Variants in KCNMA1 observed in about 807,000 individuals in gnomAD.
KCNMA1 encodes potassium calcium-activated channel subfamily M alpha 1.
A neutral mutation model predicts 140.0 loss-of-function variants in KCNMA1; 29 were observed. The ratio of observed to expected loss-of-function variants is 0.21; its 90% CI spans 0.15 to 0.28. The LOEUF is 0.28. Ranked by LOEUF, KCNMA1 falls within the 10% of genes least tolerant of loss-of-function variation. The pLI, the probability that KCNMA1 is intolerant of heterozygous loss-of-function variation, is 1.00. For missense variants in KCNMA1, 880 were observed against 1,602.2 expected, an observed-to-expected ratio of 0.55 and a Z score of 7.70; for synonymous variants, 612 against 611.9, an observed-to-expected ratio of 1.00 and a Z score of 0.00.
intron 1 of KCNMA1, among the ~76,000 whole-genome samples, chr10:77,416,142 C>G (rs2096736591): frequency 6.6e-6 from 1 of 152,138 alleles, no homozygotes; most frequent in African/African-American, 2.4e-5. Context: ...ATATTCCACA[C>G]TCATAGTGGC....
At chr10:77,607,255 T>C (rs2084881894) in intron 1 of KCNMA1, among the ~76,000 whole-genome samples, 1 of 152,206 alleles carries the variant, frequency 6.6e-6, no homozygotes, top group Non-Finnish European at 1.5e-5. Context: ...CAGTGGAGCC[T>C]GGCCAGTGCC....
intron 14 of KCNMA1, among the ~76,000 whole-genome samples, chr10:77,057,550 T>C (rs751839945): frequency 6.6e-6 from 1 of 152,066 alleles, no homozygotes; most frequent in Admixed American, 6.6e-5. Flanking sequence ...ATTATAACAT[T>C]GTCTGATATA....
intron 21 of KCNMA1, among the ~76,000 whole-genome samples, chr10:76,952,813 G>A (rs1371226026): frequency 6.6e-6 from 1 of 152,216 alleles, no homozygotes; most frequent in African/African-American, 2.4e-5. Context: ...TGTTTAGGAA[G>A]GGTGGTCCTG....
chr10:77,024,843 G>A (rs995393471), intron 16 of KCNMA1, among the ~76,000 whole-genome samples: 4 of 152,056 alleles, frequency 2.6e-5, no homozygotes, highest in African/African-American at 9.7e-5. Context: ...CAAAATAAAT[G>A]TAAGGAAAAA....
At chr10:77,556,329 AC>A (rs1406618533) in intron 1 of KCNMA1, among the ~76,000 whole-genome samples, 2 of 151,888 alleles carry the variant, frequency 1.3e-5, no homozygotes, top group Non-Finnish European at 2.9e-5. Context: ...ACATGGTGAA[AC>A]CCCATCTCTG....
rs1326107584 is a variant in KCNMA1 at position 77,296,170 on chromosome 10, T to C, written c.541-44914A>G. ...GGGAGATTGTCCTTGATTATCCAGG[T>C]GGGCCCACTGTAATCACTAGGTCTT... On this transcript the variant is annotated intron_variant, in intron 2 of 27. Coordinates refer to ENST00000286628, the MANE Select transcript of KCNMA1 (RefSeq NM_001161352.2). 3.3e-5 allele frequency among the ~76,000 whole-genome samples: 5 copies of C among 152,254 alleles called. No homozygotes were observed. The South Asian group carries it at 1.0e-3, about 32-fold the overall frequency.
intron 1 of KCNMA1, among the ~76,000 whole-genome samples, chr10:77,491,633 C>A (rs1330040392): frequency 1.3e-5 from 2 of 151,396 alleles, no homozygotes; most frequent in African/African-American, 4.9e-5. Flanking sequence ...TCTGGGACAC[C>A]CAGCTATGAC....
intron 1 of KCNMA1, among the ~76,000 whole-genome samples, chr10:77,523,638 G>A (rs900223540): frequency 6.6e-6 from 1 of 152,242 alleles, no homozygotes; most frequent in African/African-American, 2.4e-5. Context: ...TTCTTGATTT[G>A]GATGTTAGTT....
At chr10:77,552,737 C>T (rs1393685958) in intron 1 of KCNMA1, among the ~76,000 whole-genome samples, 1 of 152,138 alleles carries the variant, frequency 6.6e-6, no homozygotes, top group African/African-American at 2.4e-5. Context: ...TGATGCAGCC[C>T]ATGAACACAT....
intron 5 of KCNMA1, among the ~76,000 whole-genome samples, chr10:77,175,369 G>T (rs2098743865): frequency 6.6e-6 from 1 of 152,212 alleles, no homozygotes. Flanking sequence ...ACTGTGAGAT[G>T]CTGGGCATAG....
intron 15 of KCNMA1, among the ~76,000 whole-genome samples, chr10:77,034,426 A>T (rs1352328729): frequency 7.2e-5 from 11 of 152,288 alleles, no homozygotes; most frequent in Non-Finnish European, 1.5e-4. Context: ...CTGAAGTTAA[A>T]CTAGCTACAG....
At chr10:77,370,515 T>C (rs996161714) in intron 2 of KCNMA1, among the ~76,000 whole-genome samples, 1 of 152,232 alleles carries the variant, frequency 6.6e-6, no homozygotes, top group Non-Finnish European at 1.5e-5. Flanking sequence ...CTCCAATCTC[T>C]AGCTCTTTGT....
intron 2 of KCNMA1, among the ~76,000 whole-genome samples, chr10:77,323,483 A>G (rs1315524021): frequency 2.0e-5 from 3 of 152,124 alleles, no homozygotes; most frequent in Non-Finnish European, 4.4e-5. Flanking sequence ...CCCAGTTGAG[A>G]GTCTGAAGGA....
rs887851854 is a variant in KCNMA1 at position 77,032,728 on chromosome 10, A to G, written c.1860-4837T>C. Among the ~76,000 whole-genome samples the G allele has an allele frequency of 5.5e-5, 8 of 146,344 alleles. No homozygotes were observed. The East Asian group carries it at 1.6e-3, about 28-fold the overall frequency. On this transcript the variant is annotated intron_variant, in intron 15 of 27. Transcript: ENST00000286628. ...TGACAACGACATTATACAAAGCCCAACCCCCCTTTTTTTTTTTTACTGCCA... is the reference window on the plus strand; with the variant it reads ...TGACAACGACATTATACAAAGCCCAGCCCCCCTTTTTTTTTTTTACTGCCA...
chr10:76,907,362 T>C (rs2395442), intron 25 of KCNMA1, among the ~76,000 whole-genome samples: 17,122 of 152,118 alleles, frequency 0.11, 3,093 homozygotes, highest in African/African-American at 0.38. Flanking sequence ...GCAACTCAAA[T>C]CCAGATGGGC....
At chr10:77,572,596 ATAT>A (rs2071991828) in intron 1 of KCNMA1, among the ~76,000 whole-genome samples, 1 of 106,134 alleles carries the variant, frequency 9.4e-6, no homozygotes, top group African/African-American at 3.8e-5. Context: ...ATATATATAT[ATAT>A]ATATAAATTA....
chr10:77,516,783 G>A (rs111906378), intron 1 of KCNMA1, among the ~76,000 whole-genome samples: 11 of 152,314 alleles, frequency 7.2e-5, no homozygotes, highest in African/African-American at 2.6e-4. Context: ...AAGTGTAAGA[G>A]GCTAAAACGG....
Position 77,112,441 on chromosome 10 carries a change from T to C in KCNMA1, c.886A>G (p.Asn296Asp). 1 of 1,613,064 alleles carries C rather than the reference T, an allele frequency of 6.2e-7. No homozygotes were observed. Among genetic ancestry groups the C allele is most frequent in the Non-Finnish European group, 8.5e-7 (1 of 1,179,122 alleles). Residue 296 changes from asparagine to aspartate, a missense_variant and splice_region_variant, in exon 7 of 28, where the codon AAT (asparagine) becomes GAT (aspartate). Transcript: ENST00000286628. The part of the protein sequence containing the change: ...LQFLNILKTS[N>D]SIKLVNLLSI... ...AGCAGATTCACCAGCTTGATGGAAT[T>C]ACTGTGCAAGAGACAACAAGCAAAA...
chr10:77,116,344 A>C (rs1212060692), intron 6 of KCNMA1, among the ~76,000 whole-genome samples: 2 of 152,136 alleles, frequency 1.3e-5, no homozygotes, highest in Non-Finnish European at 2.9e-5. Flanking sequence ...ATGCTGCAAG[A>C]GAAGGTCTGG....
Sources: allele counts gnomAD v4.1 joint callset (sites outside exome capture counted in the v4.1 genomes callset), GRCh38; gene constraint gnomAD v4.1.1; transcripts MANE v1.5; gene names NCBI Gene and HGNC (gene_info 2026-07-23, HGNC 2026-07-21).